The following MAP6 variants were observed in gnomAD, a reference collection of about 807,000 sequenced individuals.
The protein encoded by MAP6 is microtubule-associated protein 6.
In MAP6, 26 loss-of-function variants were observed where a neutral mutation model predicts 42.4. The observed-to-expected ratio is 0.61, with a 90% confidence interval of 0.45 to 0.85. The LOEUF is 0.85. Ranked by LOEUF, MAP6 falls within the 40% of genes least tolerant of loss-of-function variation. The pLI is 0.00. For synonymous variants in MAP6, 418 were observed against 443.8 expected (o/e 0.94, Z 0.73); for missense variants, 966 against 1,099.0 (o/e 0.88, Z 1.71).
intron 1 of MAP6, among the ~76,000 whole-genome samples, chr11:75,643,770 G>A (rs1486733293): frequency 6.6e-6 from 1 of 152,188 alleles, no homozygotes; most frequent in African/African-American, 2.4e-5. Flanking sequence ...TATGAGGTAG[G>A]TGCTGTTATG....
chr11:75,612,978 A>T (rs1292831157), intron 1 of MAP6, among the ~76,000 whole-genome samples: 1 of 152,184 alleles, frequency 6.6e-6, no homozygotes, highest in Non-Finnish European at 1.5e-5. Flanking sequence ...ATAAGACAAA[A>T]TTTATGACAG....
intron 3 of MAP6, chr11:75,604,847 A>C (rs1043821742): frequency 3.0e-6 from 3 of 985,368 alleles, no homozygotes; most frequent in Non-Finnish European, 3.6e-6. Context: ...CTCTCTGAGG[A>C]GCAGACCAGA....
At chr11:75,608,433 AC>A in intron 1 of MAP6, 111 bp from the exon 2 acceptor site, 2 of 817,566 alleles carry the variant, frequency 2.4e-6, no homozygotes, top group Non-Finnish European at 4.0e-6. Context: ...TGCAGCATTG[AC>A]TGAAGTGTGG....
chr11:75,603,024 T>C (rs1942692616), intron 3 of MAP6: 12 of 985,782 alleles, frequency 1.2e-5, no homozygotes, highest in Non-Finnish European at 1.4e-5. Context: ...AGGTGTGCGC[T>C]ACATGTTACA....
chr11:75,615,444 A>G (rs1590771711), intron 1 of MAP6, among the ~76,000 whole-genome samples: 1 of 152,346 alleles, frequency 6.6e-6, no homozygotes, highest in South Asian at 2.1e-4. Context: ...TTTGACTTTC[A>G]TTACAGAGTC....
chr11:75,604,889 C>T (rs1942730321), intron 3 of MAP6: 2 of 985,496 alleles, frequency 2.0e-6, no homozygotes, highest in African/African-American at 1.7e-5. Context: ...AACATCGCCA[C>T]ACTTGCCACT....
chr11:75,668,091 G>C lies in MAP6; in HGVS notation c.279C>G (p.Arg93=), dbSNP rs1943995384. ...TGPAPGPTGE[R]EPAAGPGRSG... is the part of the protein sequence containing the mutation. Reference sequence around the variant, plus strand: ...TCCGGCCGGGGCCCGCCGCCGGCTCGCGCTCGCCGGTAGGCCCAGGCGCTG... The same window carrying C: ...TCCGGCCGGGGCCCGCCGCCGGCTCCCGCTCGCCGGTAGGCCCAGGCGCTG... The change falls in exon 1 of 4, where the codon CGC becomes CGG. Residue 93 remains arginine (R), a synonymous_variant. Coordinates refer to ENST00000304771, the MANE Select transcript of MAP6 (RefSeq NM_033063.2). 1 of 1,209,588 alleles carries C rather than the reference G, an allele frequency of 8.3e-7. No individual in the cohort carries two copies. The highest frequency in any genetic ancestry group is 1.0e-6 in the Non-Finnish European group (1 of 976,314). 74.9% of individuals were successfully genotyped at this position (1,209,588 alleles called of 1,614,324 possible). A position where few individuals can be genotyped will look rare whatever the true frequency, so the allele number is the denominator to read the frequency against.
At chr11:75,652,448 C>T (rs547407412) in intron 1 of MAP6, among the ~76,000 whole-genome samples, 3 of 152,166 alleles carry the variant, frequency 2.0e-5, no homozygotes, top group Non-Finnish European at 4.4e-5. Flanking sequence ...TGATATCAGA[C>T]TAATCTTTCT....
chr11:75,605,742 T>G (rs1165515225), intron 3 of MAP6, 66 bp downstream of exon 3: 12 of 1,215,546 alleles, frequency 9.9e-6, no homozygotes, highest in Non-Finnish European at 1.3e-5. Flanking sequence ...TTTGTTGGTT[T>G]AAAAAAAAAA....
rs1020269651 is a variant in MAP6 at position 75,587,507 on chromosome 11, A to G, written c.1994T>C (p.Val665Ala). 1.2e-6 allele frequency: 2 copies of G among 1,614,150 alleles called. No homozygotes were observed. Among genetic ancestry groups the G allele is most frequent in the Non-Finnish European group, 1.7e-6 (2 of 1,180,004 alleles). ...TAPIKNQGSM[V>A]SEPVKNQGLV... ...ACCTTGATTCTTTACAGGCTCAGAGACCATGGAACCTTGATTCTTTATGGG... is the reference window on the plus strand; with the variant it reads ...ACCTTGATTCTTTACAGGCTCAGAGGCCATGGAACCTTGATTCTTTATGGG... Residue 665 changes from valine (V) to alanine (A), a missense_variant, in exon 4 of 4, where the codon GTC (valine) becomes GCC (alanine). Val to Ala is a moderately conservative substitution (Grantham distance 64, BLOSUM62 0). This residue lies in a region of MAP6 where 943 missense variants were observed against 1,049.9 expected (regional missense o/e 0.90). Coordinates refer to ENST00000304771, the MANE Select transcript of MAP6 (RefSeq NM_033063.2).
intron 3 of MAP6, among the ~76,000 whole-genome samples, chr11:75,599,593 C>G (rs1942634544): frequency 6.6e-6 from 1 of 152,190 alleles, no homozygotes; most frequent in South Asian, 2.1e-4. Context: ...TATTTTCCCT[C>G]AGTTTGTATC....
At chr11:75,592,572 C>T (rs1388967040) in intron 3 of MAP6, among the ~76,000 whole-genome samples, 6 of 152,032 alleles carry the variant, frequency 3.9e-5, no homozygotes, top group Non-Finnish European at 8.8e-5. Context: ...TTCCCTCCCT[C>T]CCTTCCCCTA....
rs1590818722 is a variant in MAP6, at chr11:75,668,449, T to C, written c.-80A>G. 6.9e-7 allele frequency: 1 copy of C among 1,454,974 alleles called. No homozygotes were observed. The highest frequency in any genetic ancestry group is 2.7e-5 in the East Asian group (1 of 36,796). The allele number at this position is 1,454,974 out of a possible 1,614,324, so 90.1% of individuals were successfully genotyped here. On this transcript the variant is annotated 5_prime_UTR_variant, in exon 1 of 4. Coordinates refer to ENST00000304771, the MANE Select transcript of MAP6 (RefSeq NM_033063.2). ...TCTATAATCTTCCTTCAGCCTCCGA[T>C]CCTGACCGGCCAATGTGGTTCCCAC...
At chr11:75,607,565 T>C (rs1460312982) in intron 2 of MAP6, 6 of 985,326 alleles carry the variant, frequency 6.1e-6, no homozygotes, top group Non-Finnish European at 7.2e-6. Flanking sequence ...TTATAGCTGA[T>C]GTGACAGGTG....
intron 1 of MAP6, among the ~76,000 whole-genome samples, chr11:75,630,017 A>C (rs12574551): frequency 0.051 from 7,699 of 152,290 alleles, 247 homozygotes; most frequent in East Asian, 0.14. Flanking sequence ...TGCTTGATAA[A>C]ACACACTACT....
chr11:75,616,910 T>G (rs1943003746), intron 1 of MAP6, among the ~76,000 whole-genome samples: 1 of 152,216 alleles, frequency 6.6e-6, no homozygotes, highest in African/African-American at 2.4e-5. Flanking sequence ...AAGCACATAC[T>G]TGGACGAAAA....
intron 1 of MAP6, among the ~76,000 whole-genome samples, chr11:75,641,945 G>A (rs947965555): frequency 6.6e-6 from 1 of 152,230 alleles, no homozygotes; most frequent in Non-Finnish European, 1.5e-5. Flanking sequence ...AATGGCTGAA[G>A]AGAGCCACAG....
chr11:75,657,040 G>A (rs1210949181), intron 1 of MAP6, among the ~76,000 whole-genome samples: 1 of 151,770 alleles, frequency 6.6e-6, no homozygotes, highest in Non-Finnish European at 1.5e-5. Context: ...GAATCATTCA[G>A]TAAATATACT....
At chr11:75,597,505 C>T (rs1040752228) in intron 3 of MAP6, among the ~76,000 whole-genome samples, 14 of 152,166 alleles carry the variant, frequency 9.2e-5, no homozygotes, top group Non-Finnish European at 2.1e-4. Context: ...CAGATTGTCC[C>T]AGTGGGCTGC....
Sources: gnomAD v4.1 joint callset for allele counts (sites outside exome capture counted in the v4.1 genomes callset) on GRCh38, gnomAD v4.1.1 for gene constraint, gnomAD v4.1.1 regional missense constraint, MANE v1.5 for transcripts, NCBI Gene and HGNC (gene_info 2026-07-23, HGNC 2026-07-21) for gene names.